RASSF3: variants seen among roughly 807,000 people sequenced by gnomAD.
RASSF3 encodes ras association domain-containing protein 3.
RASSF3 carries 19 observed loss-of-function variants against 19.9 expected under a neutral mutation model. The ratio of observed to expected loss-of-function variants is 0.96; its 90% CI spans 0.67 to 1.40. The LOEUF is 1.40. Ranked by LOEUF, RASSF3 falls within the 40% of genes most tolerant of loss-of-function variation. The pLI is 0.00. For synonymous variants in RASSF3, 110 were observed against 104.2 expected, an observed-to-expected ratio of 1.06 and a Z score of -0.34; for missense variants, 306 against 289.8, an observed-to-expected ratio of 1.06 and a Z score of -0.41.
At chr12:64,687,954 G>T (rs1234948744) in intron 2 of RASSF3, among the ~76,000 whole-genome samples, 1 of 151,086 alleles carries the variant, frequency 6.6e-6, no homozygotes, top group Non-Finnish European at 1.5e-5. Flanking sequence ...TGAGTCTGGG[G>T]CCGGCAGTCA....
intron 1 of RASSF3, among the ~76,000 whole-genome samples, chr12:64,637,497 T>C (rs1784039280): frequency 6.6e-6 from 1 of 150,614 alleles, no homozygotes; most frequent in African/African-American, 2.4e-5. Flanking sequence ...TGGCGTGATC[T>C]CGGCTCACTG....
chr12:64,538,467 T>G (rs1378770723), intron 1 of RASSF3, among the ~76,000 whole-genome samples: 1 of 152,178 alleles, frequency 6.6e-6, no homozygotes, highest in Non-Finnish European at 1.5e-5. Flanking sequence ...ACTCAGCCCA[T>G]AACACTAGTT....
chr12:64,676,373 TG>T (rs1469409625), intron 1 of RASSF3, among the ~76,000 whole-genome samples: 1 of 151,708 alleles, frequency 6.6e-6, no homozygotes, highest in Non-Finnish European at 1.5e-5. Context: ...TTCTCCATGT[TG>T]GTCAGGCTGG....
chr12:64,636,685 G>T (rs1432431787), intron 1 of RASSF3, among the ~76,000 whole-genome samples: 3 of 151,836 alleles, frequency 2.0e-5, no homozygotes, highest in African/African-American at 7.3e-5. Flanking sequence ...GGCCAACATG[G>T]CGAAACCCCT....
intron 1 of RASSF3, among the ~76,000 whole-genome samples, chr12:64,525,381 A>AT (rs1356652707): frequency 6.6e-6 from 1 of 152,194 alleles, no homozygotes; most frequent in African/African-American, 2.4e-5. Context: ...TGGTTTCAAG[A>AT]TTGTGGGTCT....
At chr12:64,543,648 G>A (rs1161105117), downstream of RASSF3, among the ~76,000 whole-genome samples, 1 of 149,232 alleles carries the variant, frequency 6.7e-6, no homozygotes, top group African/African-American at 2.4e-5. Flanking sequence ...GGCGCACGGC[G>A]CGGGACTGGC....
chr12:64,527,590 G>A (rs1197013967), intron 1 of RASSF3, among the ~76,000 whole-genome samples: 2 of 152,154 alleles, frequency 1.3e-5, no homozygotes, highest in Non-Finnish European at 2.9e-5. Context: ...ATCCTAAAAA[G>A]TGATGCCTGG....
intron 2 of RASSF3, among the ~76,000 whole-genome samples, chr12:64,596,739 A>ATT (rs543733869): frequency 1.0e-3 from 158 of 151,956 alleles, no homozygotes; most frequent in African/African-American, 3.5e-3. Flanking sequence ...ATATATATAT[A>ATT]TTTTTTTGAG....
At chr12:64,624,655 G>A (rs569754956) in intron 1 of RASSF3, among the ~76,000 whole-genome samples, 9 of 150,734 alleles carry the variant, frequency 6.0e-5, no homozygotes, top group African/African-American at 1.7e-4. Context: ...ATTAATAAAT[G>A]TTAGCAATAG....
intron 1 of RASSF3, among the ~76,000 whole-genome samples, chr12:64,656,443 T>C (rs2136194777): frequency 6.6e-6 from 1 of 152,334 alleles, no homozygotes; most frequent in Non-Finnish European, 1.5e-5. Flanking sequence ...ATGTGAGTTA[T>C]ATCTCAGTGA....
chr12:64,672,776 C>T (rs987960927), intron 1 of RASSF3, among the ~76,000 whole-genome samples: 6 of 152,232 alleles, frequency 3.9e-5, no homozygotes, highest in African/African-American at 1.4e-4. Flanking sequence ...CTCCGCCTTC[C>T]AAAGTGCTGA....
At chr12:64,684,929 G>C (rs755506763) in intron 2 of RASSF3, 35 bp downstream of exon 2, 8 of 1,193,666 alleles carry the variant, frequency 6.7e-6, no homozygotes, top group Non-Finnish European at 7.5e-6. Context: ...GTTGACACCT[G>C]TCAAAAGACA....
intron 2 of RASSF3, among the ~76,000 whole-genome samples, chr12:64,574,517 T>C (rs1163460120): frequency 6.6e-6 from 1 of 152,164 alleles, no homozygotes; most frequent in Non-Finnish European, 1.5e-5. Context: ...AAGTTACCCT[T>C]GACTCTGGAC....
intron 2 of RASSF3, among the ~76,000 whole-genome samples, chr12:64,568,932 G>A (rs112030915): frequency 1.2e-3 from 188 of 152,206 alleles, no homozygotes; most frequent in African/African-American, 3.7e-3. Flanking sequence ...GGCTGGTCTC[G>A]AACTCCTGAC....
intron 4 of RASSF3, among the ~76,000 whole-genome samples, chr12:64,693,372 C>T (rs1172822824): frequency 1.3e-5 from 2 of 151,944 alleles, no homozygotes; most frequent in East Asian, 3.8e-4. Context: ...GCTAGATACC[C>T]TCCTTGACAT....
Position 64,696,873 on chromosome 12 carries a change from C to T in RASSF3, c.*1961C>T, listed in dbSNP as rs1307796927. 1 of 152,044 alleles carries T rather than the reference C, an allele frequency of 6.6e-6. No homozygotes were observed. The highest frequency in any genetic ancestry group is 1.9e-4 in the East Asian group (1 of 5,194). 9.4% of individuals were successfully genotyped at this position (152,044 alleles called of 1,614,324 possible). On this transcript the variant is annotated 3_prime_UTR_variant, in exon 5 of 5. Coordinates refer to ENST00000542104, the MANE Select transcript of RASSF3 (RefSeq NM_178169.4). ...CATCCAACACTTTACCTTTATTGTTCAGGGAATGCCTTCGTGATTTTTTGT... is the reference window on the plus strand; with the variant it reads ...CATCCAACACTTTACCTTTATTGTTTAGGGAATGCCTTCGTGATTTTTTGT...
chr12:64,547,590 GGGAAGGAAGGACGGAA>G (rs1406667260), intron 2 of RASSF3, among the ~76,000 whole-genome samples: 2 of 151,636 alleles, frequency 1.3e-5, no homozygotes, highest in African/African-American at 4.8e-5. Flanking sequence ...GAAAAAAGAA[GGGAAGGAAGGACGGAA>G]GGAAGGAAGG....
chr12:64,675,054 C>CCCCCCCCCCCCCG (rs1872843625), intron 1 of RASSF3, among the ~76,000 whole-genome samples: 1 of 107,268 alleles, frequency 9.3e-6, no homozygotes, highest in African/African-American at 3.5e-5. Context: ...AGCCCCCCCC[C>CCCCCCCCCCCCCG]CCCCCGCCAC....
At chr12:64,523,510 C>G (rs1221208006) in intron 1 of RASSF3, among the ~76,000 whole-genome samples, 1 of 152,112 alleles carries the variant, frequency 6.6e-6, no homozygotes. Flanking sequence ...CCTCCTGACC[C>G]CCTCAGGTCA....
Sources: allele counts gnomAD v4.1 joint callset (sites outside exome capture counted in the v4.1 genomes callset), GRCh38; gene constraint gnomAD v4.1.1; transcripts MANE v1.5; gene names NCBI Gene and HGNC (gene_info 2026-07-23, HGNC 2026-07-21).